Variants in ZNF841 observed in about 807,000 individuals in gnomAD.
ZNF841 encodes the protein TCONS_00006091.
In ZNF841, 11 loss-of-function variants were observed where a neutral mutation model predicts 13.0. That is an observed-to-expected ratio of 0.85 (90% confidence interval 0.53 to 1.40). The LOEUF (loss-of-function observed/expected upper bound fraction) is 1.40, where lower values mean the gene tolerates loss of function less well. ZNF841 is among the 40% of genes most tolerant of loss of function. ZNF841 has a pLI of 0.00. For missense variants in ZNF841, 1,068 were observed against 1,139.5 expected, an observed-to-expected ratio of 0.94 and a Z score of 0.90; for synonymous variants, 369 against 381.6, an observed-to-expected ratio of 0.97 and a Z score of 0.38.
chr19:52,074,015 T>G (rs1456524692), intron 6 of ZNF841, among the ~76,000 whole-genome samples: 3 of 152,212 alleles, frequency 2.0e-5, no homozygotes, highest in African/African-American at 7.2e-5. Flanking sequence ...CTGTAATCAA[T>G]TTAACCGACA....
At chr19:52,079,945 C>T (rs957604760) in intron 4 of ZNF841, among the ~76,000 whole-genome samples, 1 of 146,930 alleles carries the variant, frequency 6.8e-6, no homozygotes, top group Non-Finnish European at 1.5e-5. Context: ...GAGCTGAGAT[C>T]GCACTATTGT....
chr19:52,073,457 C>T (rs1243285477), intron 6 of ZNF841, among the ~76,000 whole-genome samples: 3 of 152,076 alleles, frequency 2.0e-5, no homozygotes, highest in East Asian at 1.9e-4. Flanking sequence ...TGCCACCACA[C>T]CCGGCTAATT....
rs750159922 is a variant in ZNF841 at position 52,066,172 on chromosome 19, A to G, written c.1710T>C (p.His570=). The change falls in exon 7 of 7, where the codon CAT becomes CAC. Residue 570 remains histidine, a synonymous_variant. Coordinates refer to ENST00000594440, the MANE Select transcript of ZNF841 (RefSeq NM_001136499.2). ...TGAAGACCATGCCACATTTATTACA[A>G]TGGAGAGGTTTCTCTCCAGTATGAC... ...MRCHTGEKPL[H]CNKCGMVFTY... is the part of the protein sequence containing the mutation. The G allele has an allele frequency of 1.9e-6, 3 of 1,610,022 alleles. No individual in the cohort carries two copies. The East Asian group carries it at 6.7e-5, about 36-fold the overall frequency.
intron 6 of ZNF841, among the ~76,000 whole-genome samples, chr19:52,072,756 T>G (rs1225457816): frequency 1.3e-5 from 2 of 151,882 alleles, no homozygotes; most frequent in East Asian, 1.9e-4. Flanking sequence ...GAAGTGGAGG[T>G]TGCAGTGAGC....
chr19:52,060,424 A>G (rs952467546), downstream of ZNF841, among the ~76,000 whole-genome samples: 1 of 152,174 alleles, frequency 6.6e-6, no homozygotes, highest in African/African-American at 2.4e-5. Context: ...CTCTGGTGAA[A>G]CTGGAAGGTT....
downstream of ZNF841, among the ~76,000 whole-genome samples, chr19:52,061,177 C>A (rs1445696069): frequency 6.6e-6 from 1 of 152,140 alleles, no homozygotes; most frequent in Non-Finnish European, 1.5e-5. Context: ...TTCTCTTTTC[C>A]AAACCACTAT....
intron 2 of ZNF841, among the ~76,000 whole-genome samples, chr19:52,091,170 A>G (rs936445312): frequency 1.3e-5 from 2 of 151,950 alleles, no homozygotes; most frequent in South Asian, 2.1e-4. Context: ...GGCTGCAACA[A>G]AGGATAAAAA....
chr19:52,079,431 T>TAAAAAAAA (rs35306980), intron 4 of ZNF841, among the ~76,000 whole-genome samples: 1 of 83,190 alleles, frequency 1.2e-5, no homozygotes, highest in Non-Finnish European at 2.5e-5. Context: ...AGGAAATCTG[T>TAAAAAAAA]AAAAAAAAAA....
At chr19:52,087,879 C>T (rs780377321) in intron 3 of ZNF841, among the ~76,000 whole-genome samples, 84 of 151,806 alleles carry the variant, frequency 5.5e-4, no homozygotes, top group Admixed American at 1.4e-3. Flanking sequence ...ACCCCACCCC[C>T]GAATACTGGC....
chr19:52,076,889 A>C lies in ZNF841; in HGVS notation c.142+69T>G. On this transcript the variant is annotated intron_variant, in intron 5 of 6. Transcript: ENST00000594440. The stretch of plus-strand genomic sequence containing the variant: ...GTCAAATAATGTAGGGCCTCACAAG[A>C]AACACAATAAGGAAAGTACAAAAAT... 1.9e-6 allele frequency: 3 copies of C among 1,578,790 alleles called. No individual in the cohort carries two copies. The South Asian group carries it at 3.3e-5, about 18-fold the overall frequency.
rs765985593 is a variant in ZNF841 at position 52,067,655 on chromosome 19, G to C, written c.272-45C>G. 5 of 1,307,684 alleles carry C rather than the reference G, an allele frequency of 3.8e-6. No homozygotes were observed. In the African/African-American group the frequency reaches 4.6e-5, roughly 12 times the overall value. 81.0% of individuals were successfully genotyped at this position (1,307,684 alleles called of 1,614,324 possible). On this transcript the variant is annotated intron_variant, in intron 6 of 6. Coordinates refer to ENST00000594440, the MANE Select transcript of ZNF841 (RefSeq NM_001136499.2). Reference sequence around the variant, plus strand: ...TGGGGTTTTAAAATAACTATTATTGGTAAATATTATTTTATACTGAAAACA... The same window carrying C: ...TGGGGTTTTAAAATAACTATTATTGCTAAATATTATTTTATACTGAAAACA...
intron 3 of ZNF841, among the ~76,000 whole-genome samples, chr19:52,086,481 C>T (rs1338867414): frequency 6.6e-6 from 1 of 152,202 alleles, no homozygotes; most frequent in African/African-American, 2.4e-5. Flanking sequence ...GCAGATGTCG[C>T]CATGCTTCCT....
intron 2 of ZNF841, among the ~76,000 whole-genome samples, chr19:52,091,074 C>T (rs576214093): frequency 3.3e-5 from 5 of 152,096 alleles, no homozygotes; most frequent in Non-Finnish European, 7.4e-5. Context: ...AAGCAAGGAG[C>T]CCCTGACCCC....
chr19:52,064,218 C>T (rs1433485910), downstream of ZNF841, among the ~76,000 whole-genome samples: 2 of 151,766 alleles, frequency 1.3e-5, no homozygotes, highest in African/African-American at 2.4e-5. Flanking sequence ...CGGTGGCGAG[C>T]GCCTGTAGTC....
rs1024836864 is a variant in ZNF841, at chr19:52,078,747, T to C, written c.16-1663A>G. Among the ~76,000 whole-genome samples the C allele has an allele frequency of 1.2e-3, 171 of 148,274 alleles. 1 individual carries two copies. The highest frequency in any genetic ancestry group is 3.9e-3 in the African/African-American group (157 of 40,534). ...TTAAAGAAAAAACATTTTAAGGCCA[T>C]AGAAACATTTAAGATATAATTTTCA... is the stretch of plus-strand genomic sequence containing the variant. On this transcript the variant is annotated intron_variant, in intron 4 of 6. Transcript: ENST00000594440.
downstream of ZNF841, among the ~76,000 whole-genome samples, chr19:52,063,442 T>A (rs756573263): frequency 6.6e-6 from 1 of 152,078 alleles, no homozygotes; most frequent in African/African-American, 2.4e-5. Context: ...CTCCACATCC[T>A]GGATTCAAGT....
chr19:52,077,338 C>T (rs960956340), intron 4 of ZNF841, among the ~76,000 whole-genome samples: 4 of 152,274 alleles, frequency 2.6e-5, no homozygotes, highest in Non-Finnish European at 5.9e-5. Flanking sequence ...ATGGTTATCC[C>T]TATGAAAGTT....
At chr19:52,091,186 T>C (rs1213292251) in intron 2 of ZNF841, among the ~76,000 whole-genome samples, 1 of 152,072 alleles carries the variant, frequency 6.6e-6, no homozygotes, top group East Asian at 1.9e-4. Flanking sequence ...AAAAAAAACA[T>C]TGAAGAACAC....
chr19:52,089,264 G>T (rs142387394), intron 2 of ZNF841, among the ~76,000 whole-genome samples: 458 of 152,228 alleles, frequency 3.0e-3, no homozygotes, highest in African/African-American at 0.011. Context: ...GATAATTTAA[G>T]AAGTTTGGCT....
Sources: allele counts gnomAD v4.1 joint callset (sites outside exome capture counted in the v4.1 genomes callset), GRCh38; gene constraint gnomAD v4.1.1; transcripts MANE v1.5; gene names NCBI Gene and HGNC (gene_info 2026-07-23, HGNC 2026-07-21).